The following TRMT9B variants were observed in gnomAD, a reference collection of about 807,000 sequenced individuals.
The protein encoded by TRMT9B is probable tRNA methyltransferase 9B.
Under a neutral mutation model 11.5 loss-of-function variants are expected in TRMT9B, and 16 were observed. The ratio of observed to expected loss-of-function variants is 1.39; its 90% CI spans 0.94 to 2.11. The LOEUF (loss-of-function observed/expected upper bound fraction) is 2.11, where lower values mean the gene tolerates loss of function less well. Among genes scored for constraint, TRMT9B ranks in the 30% most tolerant of loss-of-function variants. TRMT9B has a pLI of 0.00. For synonymous variants in TRMT9B, 274 were observed against 192.4 expected (o/e 1.42, Z -3.51); for missense variants, 941 against 553.8 (o/e 1.70, Z -7.02).
rs1227546975 is a variant in TRMT9B at position 13,028,545 on chromosome 8, A to C, written c.*6501A>C. On this transcript the variant is annotated 3_prime_UTR_variant, in exon 5 of 5. Transcript: ENST00000524591. ...ACATTCCCTTAGCAAGAATTTGGCTAAGTGATAAGCACTTTTCTCTTTTCT... is the reference window on the plus strand; with the variant it reads ...ACATTCCCTTAGCAAGAATTTGGCTCAGTGATAAGCACTTTTCTCTTTTCT... The C allele has an allele frequency of 6.5e-6, 1 of 152,812 alleles. No individual in the cohort carries two copies. Among genetic ancestry groups the C allele is most frequent in the East Asian group, 2.2e-4 (1 of 4,552 alleles). The allele number at this position is 152,812 out of a possible 1,614,324, so 9.5% of individuals were successfully genotyped here. A position where few individuals can be genotyped will look rare whatever the true frequency, so the allele number is the denominator to read the frequency against.
chr8:12,947,684 T>C (rs2977096), intron 1 of TRMT9B, among the ~76,000 whole-genome samples: 83,386 of 152,162 alleles, frequency 0.55, 24,726 homozygotes, highest in African/African-American at 0.77. Context: ...GTCAAAAGCT[T>C]TAGGAAAAGA....
chr8:12,956,049 C>T (rs775542115), intron 1 of TRMT9B, among the ~76,000 whole-genome samples: 2 of 152,170 alleles, frequency 1.3e-5, no homozygotes, highest in Non-Finnish European at 2.9e-5. Context: ...AACAAGAAAG[C>T]AAATGTTTTC....
rs1585456766 is a variant in TRMT9B at position 13,024,942 on chromosome 8, A to G, written c.*2898A>G. Reference sequence around the variant, plus strand: ...AGCCATTGAAGAGCAAAACTAATGTAAACGTCTTGATCATTTAAAAAGCTT... The same window carrying G: ...AGCCATTGAAGAGCAAAACTAATGTGAACGTCTTGATCATTTAAAAAGCTT... On this transcript the variant is annotated 3_prime_UTR_variant, in exon 5 of 5. Coordinates refer to ENST00000524591, the MANE Select transcript of TRMT9B (RefSeq NM_020844.3). 1 of 167,058 alleles carries G rather than the reference A, an allele frequency of 6.0e-6. No individual in the cohort carries two copies. The highest frequency in any genetic ancestry group is 1.9e-4 in the East Asian group (1 of 5,200). The allele number at this position is 167,058 out of a possible 1,614,324, so 10.3% of individuals were successfully genotyped here.
chr8:13,014,733 G>T (rs1401644839), intron 4 of TRMT9B, among the ~76,000 whole-genome samples: 4 of 152,116 alleles, frequency 2.6e-5, no homozygotes, highest in African/African-American at 7.2e-5. Flanking sequence ...AAAGGTTTTG[G>T]CTTGGTCATT....
At chr8:12,955,620 C>G (rs1801196142) in intron 1 of TRMT9B, among the ~76,000 whole-genome samples, 1 of 152,194 alleles carries the variant, frequency 6.6e-6, no homozygotes, top group African/African-American at 2.4e-5. Flanking sequence ...TTGCCACTTC[C>G]ATGGTTCTTC....
intron 2 of TRMT9B, among the ~76,000 whole-genome samples, chr8:12,996,267 A>G (rs1379427229): frequency 6.6e-6 from 1 of 152,224 alleles, no homozygotes; most frequent in Non-Finnish European, 1.5e-5. Flanking sequence ...CACAAATATA[A>G]GGTAGGTAAA....
intron 1 of TRMT9B, among the ~76,000 whole-genome samples, chr8:12,952,957 C>G (rs944370186): frequency 1.3e-5 from 2 of 152,172 alleles, no homozygotes; most frequent in East Asian, 3.9e-4. Flanking sequence ...TCAGGCTGGT[C>G]TGGAACTCCT....
intron 1 of TRMT9B, among the ~76,000 whole-genome samples, chr8:12,984,987 A>ACACT (rs796741741): frequency 4.2e-4 from 54 of 129,202 alleles, no homozygotes; most frequent in Middle Eastern, 3.7e-3. Flanking sequence ...ACACACACAC[A>ACACT]CTCTCTCTCT....
chr8:13,012,925 A>G lies in TRMT9B; in HGVS notation c.328+68A>G, dbSNP rs567343364. On this transcript the variant is annotated intron_variant, in intron 4 of 4. Coordinates refer to ENST00000524591, the MANE Select transcript of TRMT9B (RefSeq NM_020844.3). Reference sequence around the variant, plus strand: ...AATTGACCCGGTTTAGTCCGTTCTCATGACTCAACATCCGTTCTGTGTAGA... The same window carrying G: ...AATTGACCCGGTTTAGTCCGTTCTCGTGACTCAACATCCGTTCTGTGTAGA... 6.0e-5 allele frequency: 93 copies of G among 1,552,628 alleles called. No individual in the cohort carries two copies. The South Asian group carries it at 1.1e-3, about 18-fold the overall frequency.
intron 2 of TRMT9B, among the ~76,000 whole-genome samples, chr8:13,000,190 G>A (rs1809156727): frequency 6.6e-6 from 1 of 152,094 alleles, no homozygotes; most frequent in Non-Finnish European, 1.5e-5. Context: ...CAACACAGTG[G>A]GGTAATCCTG....
At position 13,027,513 on chromosome 8, in the gene TRMT9B, C is replaced by G. The variant is rs1814828949; in HGVS notation, c.*5469C>G. 6.0e-6 allele frequency: 1 copy of G among 167,038 alleles called. No homozygotes were observed. The highest frequency in any genetic ancestry group is 1.5e-5 in the Non-Finnish European group (1 of 68,126). The allele number at this position is 167,038 out of a possible 1,614,324, so 10.3% of individuals were successfully genotyped here. A position where few individuals can be genotyped will look rare whatever the true frequency, so the allele number is the denominator to read the frequency against. On this transcript the variant is annotated 3_prime_UTR_variant, in exon 5 of 5. Coordinates refer to ENST00000524591, the MANE Select transcript of TRMT9B (RefSeq NM_020844.3). ...AATGCAGACTCCTTTGGATGGCATT[C>G]AGGCCCTTCATAAAGTAACTCTGAA... is the stretch of plus-strand genomic sequence containing the variant.
Position 13,021,516 on chromosome 8 carries a change from T to C in TRMT9B, c.837T>C (p.Ser279=), listed in dbSNP as rs201315040. ...TGAAAAACACAGAAGTTTGGGCCAGTAGCACTGTAACAGTCCAGCCTTCCA... is the reference window on the plus strand; with the variant it reads ...TGAAAAACACAGAAGTTTGGGCCAGCAGCACTGTAACAGTCCAGCCTTCCA... ...RPLKNTEVWA[S]STVTVQPSRH... The change falls in exon 5 of 5, where the codon AGT becomes AGC. Residue 279 remains serine, a synonymous_variant. Coordinates refer to ENST00000524591, the MANE Select transcript of TRMT9B (RefSeq NM_020844.3). The C allele has an allele frequency of 2.9e-4, 476 of 1,613,648 alleles. No individual in the cohort carries two copies. Among genetic ancestry groups the C allele is most frequent in the Non-Finnish European group, 3.9e-4 (463 of 1,179,694 alleles).
intron 2 of TRMT9B, among the ~76,000 whole-genome samples, chr8:13,005,939 C>T (rs1258143353): frequency 6.6e-6 from 1 of 152,216 alleles, no homozygotes; most frequent in Non-Finnish European, 1.5e-5. Flanking sequence ...TCATCTTGTA[C>T]AGGAACTTAT....
intron 2 of TRMT9B, among the ~76,000 whole-genome samples, chr8:12,992,619 G>A (rs540481438): frequency 4.3e-4 from 65 of 152,042 alleles, no homozygotes; most frequent in Non-Finnish European, 8.1e-4. Context: ...TGAGAGGCCG[G>A]GTTAGGCAGA....
rs765071011 is a variant in TRMT9B, at chr8:13,021,487, C to T, written c.808C>T (p.Pro270Ser). The change falls in exon 5 of 5, where the codon CCC becomes TCC. Residue 270 changes from proline to serine, a missense_variant. Coordinates refer to ENST00000524591, the MANE Select transcript of TRMT9B (RefSeq NM_020844.3). ...GAGGAAGCAAATTGAAAGAGTAAGA[C>T]CCTTGAAAAACACAGAAGTTTGGGC... ...TLRKQIERVR[P>S]LKNTEVWASS... 6.2e-7 allele frequency: 1 copy of T among 1,613,604 alleles called. No homozygotes were observed. Among genetic ancestry groups the T allele is most frequent in the African/African-American group, 1.3e-5 (1 of 74,882 alleles).
rs1483642896 is a variant in TRMT9B, at chr8:12,981,608, T to TTTA, written c.-199-9224_-199-9223insATT. 5.9e-4 allele frequency among the ~76,000 whole-genome samples: 89 copies of TTTA among 151,928 alleles called. 1 individual carries two copies. The highest frequency in any genetic ancestry group is 1.8e-3 in the African/African-American group (75 of 41,406). ...CTTTCTTTTATTTATTTATTTATTT[T>TTTA]TTTTTGATAGAAACAGGGTCTCGCT... On this transcript the variant is annotated intron_variant, in intron 1 of 4. Transcript: ENST00000524591.
chr8:13,011,014 C>T (rs1366123596), intron 3 of TRMT9B: 1 of 785,374 alleles, frequency 1.3e-6, no homozygotes, highest in Non-Finnish European at 1.5e-6. Flanking sequence ...CAAAATCTAA[C>T]TCTGTCATCA....
At chr8:12,970,222 G>T (rs1242905362) in intron 1 of TRMT9B, 2 of 152,228 alleles carry the variant, frequency 1.3e-5, no homozygotes, top group Non-Finnish European at 2.9e-5. Flanking sequence ...TCGTTAGCTT[G>T]TAGACATCTG....
Position 13,000,033 on chromosome 8 carries a change from T to G in TRMT9B, c.-1-6169T>G, listed in dbSNP as rs547929751. ...TGATCTAGATATTCTACAGTTCATATGATGAACTGAGCTTTTTATTCCTTT... is the reference window on the plus strand; with the variant it reads ...TGATCTAGATATTCTACAGTTCATAGGATGAACTGAGCTTTTTATTCCTTT... On this transcript the variant is annotated intron_variant, in intron 2 of 4. Transcript: ENST00000524591. Among the ~76,000 whole-genome samples the G allele has an allele frequency of 5.2e-4, 79 of 152,322 alleles. No individual in the cohort carries two copies. The South Asian group carries it at 0.016, about 31-fold the overall frequency.
Sources: allele counts gnomAD v4.1 joint callset (sites outside exome capture counted in the v4.1 genomes callset), GRCh38; gene constraint gnomAD v4.1.1; transcripts MANE v1.5; gene names NCBI Gene and HGNC (gene_info 2026-07-23, HGNC 2026-07-21).